The following SECISBP2L variants were observed in gnomAD, a reference collection of about 807,000 sequenced individuals.
SECISBP2L encodes SECIS binding protein 2 like, also known as selenocysteine insertion sequence-binding protein 2-like.
A neutral mutation model predicts 114.7 loss-of-function variants in SECISBP2L; 43 were observed. The ratio of observed to expected loss-of-function variants is 0.38; its 90% confidence interval spans 0.29 to 0.48. The LOEUF is 0.48. SECISBP2L is among the 20% of genes least tolerant of loss of function. The pLI is 0.98. For synonymous variants in SECISBP2L, 451 were observed against 439.7 expected (o/e 1.03, Z -0.32); for missense variants, 1,136 against 1,301.1 (o/e 0.87, Z 1.95).
rs759467573 is a variant in SECISBP2L at position 48,992,561 on chromosome 15, C to T, written c.2989G>A (p.Glu997Lys). ...TCATGAGTATAATCTTCCTCCTCCT[C>T]CTCATCTTCATCTTCTTCTTCTTCA... ...MLEEEEDEDE[E>K]EEEDYTHEPI... The change falls in exon 18 of 18, where the codon GAG (glutamate) becomes AAG (lysine). Residue 997 changes from glutamate (E) to lysine (K), a missense_variant. This residue lies in a region of SECISBP2L where 684 missense variants were observed against 848.7 expected (regional missense o/e 0.81). Coordinates refer to ENST00000559471, the MANE Select transcript of SECISBP2L (RefSeq NM_001193489.2). The T allele has an allele frequency of 8.1e-6, 13 of 1,614,040 alleles. No individual in the cohort carries two copies. Among genetic ancestry groups the T allele is most frequent in the Non-Finnish European group, 1.1e-5 (13 of 1,180,020 alleles).
At position 49,037,726 on chromosome 15, in the gene SECISBP2L, T is replaced by C. The variant is rs1903042389; in HGVS notation, c.68A>G (p.Lys23Arg). The change falls in exon 2 of 18, where the codon AAG becomes AGG. Residue 23 changes from lysine (K) to arginine (R), a missense_variant. By Grantham distance (26) the Lys-to-Arg change is conservative (BLOSUM62 2). Transcript: ENST00000559471. ...SAEVEPFIPQ[K>R]KSPDTFMIPM... ...GATCATAAATGTATCAGGACTCTTC[T>C]TCTGGGGAATAAATGGCTCCACCTC... is the stretch of plus-strand genomic sequence containing the variant. 1.2e-6 allele frequency: 2 copies of C among 1,610,892 alleles called. No homozygotes were observed.
At chr15:48,995,218 C>T (rs1272766231) in intron 17 of SECISBP2L, among the ~76,000 whole-genome samples, 2 of 152,162 alleles carry the variant, frequency 1.3e-5, no homozygotes, top group Non-Finnish European at 2.9e-5. Flanking sequence ...CTTTGAGATG[C>T]GGCATTTCAC....
chr15:49,003,825 G>A (rs1390288355), intron 14 of SECISBP2L, among the ~76,000 whole-genome samples: 1 of 152,184 alleles, frequency 6.6e-6, no homozygotes, highest in African/African-American at 2.4e-5. Flanking sequence ...TTGATGTGCT[G>A]CTAAATTCGG....
At chr15:49,010,766 C>T (rs1370231903) in intron 13 of SECISBP2L, among the ~76,000 whole-genome samples, 2 of 152,186 alleles carry the variant, frequency 1.3e-5, no homozygotes, top group African/African-American at 2.4e-5. Context: ...CCCATCTTGG[C>T]TTACCAAAGT....
chr15:49,035,047 T>G (rs1902977559), intron 3 of SECISBP2L, among the ~76,000 whole-genome samples: 1 of 152,230 alleles, frequency 6.6e-6, no homozygotes, highest in East Asian at 1.9e-4. Flanking sequence ...AGTGTCACCA[T>G]GCAATTTTTA....
chr15:49,015,908 TATGCTG>T (rs1256793459), intron 11 of SECISBP2L, among the ~76,000 whole-genome samples: 1 of 152,194 alleles, frequency 6.6e-6, no homozygotes, highest in East Asian at 1.9e-4. Flanking sequence ...GGAAGCAAAC[TATGCTG>T]ATACCTGGGG....
At chr15:49,020,595 C>A (rs1276565531) in intron 7 of SECISBP2L, among the ~76,000 whole-genome samples, 1 of 152,034 alleles carries the variant, frequency 6.6e-6, no homozygotes, top group Non-Finnish European at 1.5e-5. Flanking sequence ...GCAGCCTCAA[C>A]CTCCTGGGCA....
chr15:49,043,412 T>C (rs2413925), intron 1 of SECISBP2L, among the ~76,000 whole-genome samples: 126,888 of 152,140 alleles, frequency 0.83, 54,225 homozygotes, highest in East Asian at 0.94. Context: ...AGAACTAATG[T>C]TAATGTACTA....
Position 48,992,310 on chromosome 15 carries a change from C to T in SECISBP2L, c.3240G>A (p.Lys1080=). ...TGTTGAGCGAGCTGCAGTTGCTGGA[C>T]TTCTGCTGCCCAGGACTGGCCTGCT... ...ADQQASPGQQ[K]SSNCSSLNKE... The change falls in exon 18 of 18, where the codon AAG becomes AAA. Residue 1080 remains lysine, a synonymous_variant. Transcript: ENST00000559471. The T allele has an allele frequency of 6.2e-7, 1 of 1,613,772 alleles. No homozygotes were observed. The highest frequency in any genetic ancestry group is 1.1e-5 in the South Asian group (1 of 91,076).
rs776948494 is a variant in SECISBP2L, at chr15:48,992,856, G to A, written c.2694C>T (p.Ser898=). ...LEASENEKEV[S]CKHSTSEKPS... is the part of the protein sequence containing the mutation. ...GTTTTTCAGAAGTGCTGTGCTTACA[G>A]GATACCTCTTTCTCATTTTCTGATG... The change falls in exon 18 of 18, where the codon TCC becomes TCT. Residue 898 remains serine (S), a synonymous_variant. Coordinates refer to ENST00000559471, the MANE Select transcript of SECISBP2L (RefSeq NM_001193489.2). The A allele has an allele frequency of 1.2e-6, 2 of 1,614,136 alleles. 1 individual carries two copies. The highest frequency in any genetic ancestry group is 3.3e-4 in the Middle Eastern group (2 of 6,062).
chr15:48,998,404 A>G (rs1452332715), intron 16 of SECISBP2L, among the ~76,000 whole-genome samples: 1 of 152,230 alleles, frequency 6.6e-6, no homozygotes, highest in Non-Finnish European at 1.5e-5. Context: ...GTTAAAAACA[A>G]AAAACAATAG....
intron 1 of SECISBP2L, among the ~76,000 whole-genome samples, chr15:49,044,384 C>A (rs1405310762): frequency 3.9e-5 from 6 of 152,032 alleles, no homozygotes; most frequent in Middle Eastern, 3.2e-3. Flanking sequence ...GGTTCTTAGC[C>A]GTCCTTTGAG....
intron 7 of SECISBP2L, 102 bp downstream of exon 7, chr15:49,027,263 C>T: frequency 2.8e-6 from 2 of 721,254 alleles, no homozygotes; most frequent in Non-Finnish European, 4.6e-6. Context: ...TAGTTCACTT[C>T]CAAATCACTC....
At chr15:49,012,042 T>C (rs957339629) in intron 12 of SECISBP2L, among the ~76,000 whole-genome samples, 179 bp from the exon 13 acceptor site, 2 of 151,770 alleles carry the variant, frequency 1.3e-5, no homozygotes, top group African/African-American at 4.8e-5. Flanking sequence ...AAGTACTGCA[T>C]ACAAAATAAA....
chr15:49,037,371 G>T, intron 2 of SECISBP2L: 1 of 265,094 alleles, frequency 3.8e-6, no homozygotes, highest in Non-Finnish European at 7.0e-6. Context: ...AAATTTCAAT[G>T]ACTTACTGAA....
At chr15:49,035,807 T>G (rs1902994409) in intron 2 of SECISBP2L, 149 bp from the exon 3 acceptor site, 1 of 707,156 alleles carries the variant, frequency 1.4e-6, no homozygotes, top group East Asian at 2.7e-5. Flanking sequence ...ATCATCATCT[T>G]ATAAATTTCT....
chr15:49,018,391 G>A (rs1902579296), intron 8 of SECISBP2L, among the ~76,000 whole-genome samples: 2 of 151,890 alleles, frequency 1.3e-5, no homozygotes, highest in South Asian at 2.1e-4. Context: ...CAGTTAGCTG[G>A]GATTACAGGG....
Position 48,991,971 on chromosome 15 carries a change from T to C in SECISBP2L, c.*273A>G. 1 of 303,038 alleles carries C rather than the reference T, an allele frequency of 3.3e-6. No individual in the cohort carries two copies. Among genetic ancestry groups the C allele is most frequent in the Non-Finnish European group, 6.1e-6 (1 of 165,122 alleles). 18.8% of individuals were successfully genotyped at this position (303,038 alleles called of 1,614,324 possible). A position where few individuals can be genotyped will look rare whatever the true frequency, so the allele number is the denominator to read the frequency against. ...CTTTTAAGTAAGCATTTGAAATTTA[T>C]TTTCTTTAAGATCTGGTCTTCTTTT... On this transcript the variant is annotated 3_prime_UTR_variant, in exon 18 of 18. Coordinates refer to ENST00000559471, the MANE Select transcript of SECISBP2L (RefSeq NM_001193489.2).
chr15:49,014,048 CATT>C (rs1219118357), intron 11 of SECISBP2L, among the ~76,000 whole-genome samples: 3 of 152,198 alleles, frequency 2.0e-5, no homozygotes, highest in Non-Finnish European at 4.4e-5. Context: ...GTTTTTCTCT[CATT>C]ATCACTTTTC....
Sources: allele counts gnomAD v4.1 joint callset (sites outside exome capture counted in the v4.1 genomes callset), GRCh38; gene constraint gnomAD v4.1.1; regional missense constraint gnomAD v4.1.1; transcripts MANE v1.5; gene names NCBI Gene and HGNC (gene_info 2026-07-23, HGNC 2026-07-21).